Variants in GFOD1 observed in about 807,000 individuals in gnomAD.
GFOD1 encodes Gfo/Idh/MocA-like oxidoreductase domain containing 1, also known as glucose-fructose oxidoreductase domain-containing protein 1.
Under a neutral mutation model 25.4 loss-of-function variants are expected in GFOD1, and 9 were observed. The ratio of observed to expected loss-of-function variants is 0.35; its 90% confidence interval spans 0.21 to 0.62. The LOEUF (loss-of-function observed/expected upper bound fraction) is 0.62, where lower values mean the gene tolerates loss of function less well. Ranked by LOEUF, GFOD1 falls within the 20% of genes least tolerant of loss-of-function variation. The pLI is 0.72. For synonymous variants in GFOD1, 253 were observed against 245.6 expected (o/e 1.03, Z -0.28); for missense variants, 403 against 556.9 (o/e 0.72, Z 2.78).
chr6:13,471,055 G>GA (rs1393946955), intron 1 of GFOD1, among the ~76,000 whole-genome samples: 1 of 152,200 alleles, frequency 6.6e-6, no homozygotes, highest in Non-Finnish European at 1.5e-5. Context: ...TCGGCTGAAG[G>GA]AAAGGACAAG....
At chr6:13,439,655 C>T (rs1361072284) in intron 1 of GFOD1, among the ~76,000 whole-genome samples, 3 of 152,168 alleles carry the variant, frequency 2.0e-5, no homozygotes, top group Admixed American at 6.5e-5. Flanking sequence ...GGACTAATCA[C>T]CATGCATGTA....
chr6:13,428,039 A>G (rs562798486), intron 1 of GFOD1, among the ~76,000 whole-genome samples: 1 of 152,232 alleles, frequency 6.6e-6, no homozygotes, highest in Admixed American at 6.5e-5. Context: ...AAGGCCTGAC[A>G]GTGCCCCGAG....
intron 1 of GFOD1, among the ~76,000 whole-genome samples, chr6:13,462,742 T>TATCCGCCACCCC (rs1403484850): frequency 1.3e-5 from 2 of 152,194 alleles, no homozygotes; most frequent in African/African-American, 4.8e-5. Context: ...AAACAAATCC[T>TATCCGCCACCCC]ATCCGCCAAA....
At chr6:13,377,592 G>C (rs1457606192) in intron 1 of GFOD1, among the ~76,000 whole-genome samples, 1 of 152,174 alleles carries the variant, frequency 6.6e-6, no homozygotes, top group Non-Finnish European at 1.5e-5. Flanking sequence ...CCACCAGTGA[G>C]AGAGAATTTG....
In GFOD1 at chr6:13,365,684, C is replaced by A. The variant is rs774528279; in HGVS notation, c.254-22G>T. 9 of 1,542,408 alleles carry A rather than the reference C, an allele frequency of 5.8e-6. No homozygotes were observed. Among genetic ancestry groups the A allele is most frequent in the Non-Finnish European group, 8.0e-6 (9 of 1,131,478 alleles). ...ATGCCTGCGGGTGGGAGGAAGACAG[C>A]GGTCAGCGGGGCAGGACCATGTCCG... On this transcript the variant is annotated intron_variant, in intron 1 of 1. Transcript: ENST00000379287. The surrounding 1 kb of genome is among the most constrained non-coding windows in gnomAD (Gnocchi z 9.2).
intron 1 of GFOD1, among the ~76,000 whole-genome samples, chr6:13,447,769 A>G (rs112189142): frequency 0.038 from 5,603 of 147,116 alleles, 426 homozygotes; most frequent in African/African-American, 0.14. Context: ...AAAAAAAAAA[A>G]AAGAGTTTTC....
chr6:13,399,662 T>TA (rs1165472291), intron 1 of GFOD1, among the ~76,000 whole-genome samples: 1 of 152,182 alleles, frequency 6.6e-6, no homozygotes, highest in African/African-American at 2.4e-5. Flanking sequence ...TCTGCAATTG[T>TA]AAAACAGGCA....
At chr6:13,391,511 C>CAAAAAAAAAA (rs57340590) in intron 1 of GFOD1, among the ~76,000 whole-genome samples, 3,520 of 106,268 alleles carry the variant, frequency 0.033, 1 homozygote, top group Non-Finnish European at 0.046. Flanking sequence ...AACAAACAAA[C>CAAAAAAAAAA]AAAAAAAAAA....
chr6:13,485,120 G>A (rs561129970), intron 1 of GFOD1, among the ~76,000 whole-genome samples: 1 of 152,268 alleles, frequency 6.6e-6, no homozygotes, highest in East Asian at 1.9e-4. Context: ...GGCCACAAAG[G>A]GCAGACACTT....
intron 1 of GFOD1, among the ~76,000 whole-genome samples, chr6:13,375,162 C>A (rs928670948): frequency 6.6e-6 from 1 of 152,164 alleles, no homozygotes; most frequent in Admixed American, 6.5e-5. Context: ...TGCTATAGAA[C>A]GCTAGGACTT....
chr6:13,380,670 G>A (rs1785346464), intron 1 of GFOD1, among the ~76,000 whole-genome samples: 1 of 152,096 alleles, frequency 6.6e-6, no homozygotes, highest in Non-Finnish European at 1.5e-5. Context: ...ATTATTAACT[G>A]CTCCCAGGAA....
chr6:13,368,910 T>A (rs1289541863), intron 1 of GFOD1, among the ~76,000 whole-genome samples: 1 of 152,182 alleles, frequency 6.6e-6, no homozygotes, highest in Non-Finnish European at 1.5e-5. Context: ...GAGACTCACA[T>A]GTGGATTCCC....
intron 1 of GFOD1, among the ~76,000 whole-genome samples, chr6:13,465,362 T>A (rs984438669): frequency 6.6e-6 from 1 of 152,188 alleles, no homozygotes; most frequent in Non-Finnish European, 1.5e-5. Context: ...AGATTCTAAA[T>A]CTTGTTGCTC....
rs186610901 is a variant in GFOD1, at chr6:13,480,274, C to A, written c.253+6364G>T. ...CTTGCACTCCCATGGAGAAACTTCA[C>A]CAAGAGAGTCTGCACTGCTGTCTCA... On this transcript the variant is annotated intron_variant, in intron 1 of 1. Transcript: ENST00000379287. Among the ~76,000 whole-genome samples the A allele has an allele frequency of 8.5e-5, 13 of 152,316 alleles. No homozygotes were observed. In the East Asian group the frequency reaches 2.5e-3, roughly 29 times the overall value.
At chr6:13,421,753 A>T (rs1212619289) in intron 1 of GFOD1, among the ~76,000 whole-genome samples, 1 of 152,128 alleles carries the variant, frequency 6.6e-6, no homozygotes, top group East Asian at 1.9e-4. Context: ...CTAAGGCCTG[A>T]CTAGGATGAA....
intron 1 of GFOD1, among the ~76,000 whole-genome samples, chr6:13,394,087 T>C (rs1263522068): frequency 6.6e-6 from 1 of 152,196 alleles, no homozygotes; most frequent in African/African-American, 2.4e-5. Flanking sequence ...CCTTGGCCAA[T>C]GTCTTAAATA....
At chr6:13,382,833 C>A (rs1252761496) in intron 1 of GFOD1, among the ~76,000 whole-genome samples, 1 of 152,144 alleles carries the variant, frequency 6.6e-6, no homozygotes, top group Non-Finnish European at 1.5e-5. Flanking sequence ...CCCTACTCCC[C>A]AACAGGCCCC....
In GFOD1 at chr6:13,364,472, C is replaced by G; in HGVS notation, c.*271G>C. On this transcript the variant is annotated 3_prime_UTR_variant, in exon 2 of 2. Coordinates refer to ENST00000379287, the MANE Select transcript of GFOD1 (RefSeq NM_018988.4). This position sits in a 1 kb window ranked among gnomAD's most constrained non-coding sequence, Gnocchi z 4.1. ...TAAAGGGCAGCAGAGGCAGCTAAAC[C>G]AAACCACTCTCGTGCAAATACCCAG... The G allele has an allele frequency of 2.1e-6, 1 of 480,162 alleles. No individual in the cohort carries two copies. Among genetic ancestry groups the G allele is most frequent in the African/African-American group, 1.9e-5 (1 of 52,058 alleles). 29.7% of individuals were successfully genotyped at this position (480,162 alleles called of 1,614,324 possible). A position where few individuals can be genotyped will look rare whatever the true frequency, so the allele number is the denominator to read the frequency against.
intron 1 of GFOD1, among the ~76,000 whole-genome samples, chr6:13,377,673 C>T (rs949766974): frequency 6.6e-6 from 1 of 152,174 alleles, no homozygotes; most frequent in African/African-American, 2.4e-5. Flanking sequence ...TAGAACTAAT[C>T]ACAGAAGTAA....
Sources: gnomAD v4.1 joint callset for allele counts (sites outside exome capture counted in the v4.1 genomes callset) on GRCh38, gnomAD v4.1.1 for gene constraint, Gnocchi (gnomAD v3.1) non-coding constraint, MANE v1.5 for transcripts, NCBI Gene and HGNC (gene_info 2026-07-23, HGNC 2026-07-21) for gene names.